Variants in DOCK9 observed in about 807,000 individuals in gnomAD.
The protein encoded by DOCK9 is dedicator of cytokinesis 9.
DOCK9 carries 89 observed loss-of-function variants against 263.3 expected under a neutral mutation model. The ratio of observed to expected loss-of-function variants is 0.34; its 90% CI spans 0.28 to 0.40. The LOEUF (loss-of-function observed/expected upper bound fraction) is 0.40. Among genes scored for constraint, DOCK9 ranks in the 10% least tolerant of loss-of-function variants. The pLI is 1.00. For missense variants in DOCK9, 2,140 were observed against 2,603.4 expected, an observed-to-expected ratio of 0.82 and a Z score of 3.87; for synonymous variants, 976 against 973.1, an observed-to-expected ratio of 1.00 and a Z score of -0.06.
chr13:99,008,214 A>C (rs9584975), intron 1 of DOCK9, among the ~76,000 whole-genome samples: 15,631 of 61,136 alleles, frequency 0.26, 1,062 homozygotes, highest in Non-Finnish European at 0.3. Flanking sequence ...CTCTCTCTCT[A>C]TATATATATA....
rs764574342 is a variant in DOCK9, at chr13:98,897,606, A to C, written c.1591T>G (p.Leu531Val). The C allele has an allele frequency of 9.3e-6, 15 of 1,612,638 alleles. No individual in the cohort carries two copies. The highest frequency in any genetic ancestry group is 1.3e-5 in the Non-Finnish European group (15 of 1,179,586). The part of the protein sequence containing the change: ...RMPFAWAART[L>V]FKDASGNLDK... The stretch of plus-strand genomic sequence containing the variant: ...AGATTTCCAGATGCATCCTTAAACA[A>C]TGTCCTGAAATGGCAAAGCAACATT... Residue 531 changes from leucine (L) to valine (V), a missense_variant, in exon 15 of 53, where the codon TTG (leucine) becomes GTG (valine). Leu to Val is a conservative substitution (Grantham distance 32). Coordinates refer to ENST00000682017, the MANE Select transcript of DOCK9 (RefSeq NM_001366683.2).
chr13:98,825,844 C>CG lies in DOCK9; in HGVS notation c.5023+985dup. 6.9e-7 allele frequency: 1 copy of CG among 1,454,616 alleles called. No homozygotes were observed. The highest frequency in any genetic ancestry group is 9.1e-7 in the Non-Finnish European group (1 of 1,096,290). 90.1% of individuals were successfully genotyped at this position (1,454,616 alleles called of 1,614,324 possible). A position where few individuals can be genotyped will look rare whatever the true frequency, so the allele number is the denominator to read the frequency against. The stretch of plus-strand genomic sequence containing the variant: ...GCACGTGACCAGGGCAGGGGGTCCC[C>CG]GGGGGCTGGGCTGATCCTCAGGCTC... On this transcript the variant is annotated intron_variant, in intron 44 of 52. Coordinates refer to ENST00000682017, the MANE Select transcript of DOCK9 (RefSeq NM_001366683.2). This position sits in a 1 kb window ranked among gnomAD's most constrained non-coding sequence, Gnocchi z 4.1.
chr13:99,065,167 G>A (rs2041361888), intron 1 of DOCK9, among the ~76,000 whole-genome samples: 1 of 152,124 alleles, frequency 6.6e-6, no homozygotes, highest in Admixed American at 6.5e-5. Context: ...GAGGAAGGAG[G>A]ATTATTAATC....
In DOCK9 at chr13:98,829,377, G is replaced by T; in HGVS notation, c.4895C>A (p.Thr1632Lys). Residue 1632 changes from threonine (T) to lysine (K), a missense_variant, in exon 43 of 53, where the codon ACG becomes AAG. Physicochemically the swap from Thr to Lys is moderately conservative, Grantham distance 78 (BLOSUM62 -1). Around this residue, in one of 2 missense-constraint regions of DOCK9, gnomAD observed 619 missense variants for 861.8 expected, o/e 0.72. Transcript: ENST00000682017. This position sits in a 1 kb window ranked among gnomAD's most constrained non-coding sequence, Gnocchi z 4.1. ...GAGCCACGTCTTCCTGAGCTCGGGC[G>T]TGCTGGCATAGGATTTGGCCAGGCT... ...QYSLAKSYAS[T>K]PELRKTWLDS... 1 of 1,613,704 alleles carries T rather than the reference G, an allele frequency of 6.2e-7. No homozygotes were observed. The highest frequency in any genetic ancestry group is 8.5e-7 in the Non-Finnish European group (1 of 1,179,816).
At chr13:98,967,702 C>A (rs575518713) in intron 1 of DOCK9, among the ~76,000 whole-genome samples, 1 of 152,170 alleles carries the variant, frequency 6.6e-6, no homozygotes. Context: ...TGAGATCTGC[C>A]AGGCACTGAA....
At chr13:98,847,688 G>A (rs142574525) in intron 37 of DOCK9, 1 of 152,212 alleles carries the variant, frequency 6.6e-6, no homozygotes, top group East Asian at 1.9e-4. Flanking sequence ...AGACAAAATT[G>A]TCGATATATA....
chr13:98,930,392 G>T, intron 2 of DOCK9, 135 bp from the exon 3 acceptor site: 7 of 712,434 alleles, frequency 9.8e-6, no homozygotes, highest in Non-Finnish European at 1.7e-5. Flanking sequence ...CAGTGCAGCT[G>T]CCTCCTTCCG....
intron 1 of DOCK9, among the ~76,000 whole-genome samples, chr13:99,063,360 C>A (rs533168513): frequency 1.3e-5 from 2 of 152,362 alleles, no homozygotes; most frequent in South Asian, 4.1e-4. Flanking sequence ...CCTCACCGAG[C>A]AGAGAATACA....
intron 27 of DOCK9, among the ~76,000 whole-genome samples, chr13:98,878,037 G>A (rs986119350): frequency 6.6e-6 from 1 of 152,150 alleles, no homozygotes; most frequent in African/African-American, 2.4e-5. Flanking sequence ...TAAAAGAGCT[G>A]ATGAAGGTAA....
At chr13:98,888,082 A>T in intron 18 of DOCK9, 76 bp downstream of exon 18, 2 of 945,118 alleles carry the variant, frequency 2.1e-6, no homozygotes, top group Non-Finnish European at 3.2e-6. Context: ...TTGTAGTTGT[A>T]CGGTATCATG....
chr13:98,881,673 A>C, intron 24 of DOCK9, 46 bp from the exon 25 acceptor site: 1 of 1,543,566 alleles, frequency 6.5e-7, no homozygotes, highest in Non-Finnish European at 8.8e-7. Context: ...GTAAAAATGG[A>C]AACATTTCAT....
chr13:98,864,301 G>A (rs1420721963), intron 30 of DOCK9, among the ~76,000 whole-genome samples: 1 of 152,184 alleles, frequency 6.6e-6, no homozygotes, highest in East Asian at 1.9e-4. Flanking sequence ...ACAGATAGGA[G>A]CAAACATGAA....
intron 45 of DOCK9, among the ~76,000 whole-genome samples, chr13:98,813,231 C>T (rs1291355357): frequency 6.6e-6 from 1 of 152,202 alleles, no homozygotes; most frequent in Non-Finnish European, 1.5e-5. Flanking sequence ...CCTTACTACA[C>T]TGGCTAGAAC....
chr13:98,823,368 C>A (rs1410314168), intron 45 of DOCK9, among the ~76,000 whole-genome samples: 1 of 152,164 alleles, frequency 6.6e-6, no homozygotes, highest in Non-Finnish European at 1.5e-5. Flanking sequence ...GACTTATGGC[C>A]TAGCTCATGT....
upstream of DOCK9, chr13:98,978,133 G>C: frequency 7.3e-7 from 1 of 1,364,670 alleles, no homozygotes; most frequent in East Asian, 2.6e-5. Context: ...AAAAGGGGAG[G>C]CTCCTACTTG....
At chr13:98,943,150 C>G (rs1424811508) in intron 2 of DOCK9, among the ~76,000 whole-genome samples, 1 of 152,234 alleles carries the variant, frequency 6.6e-6, no homozygotes, top group Non-Finnish European at 1.5e-5. Flanking sequence ...AGCATTTCAG[C>G]TCCTGGGCTG....
At chr13:99,027,226 G>GT (rs1566321195) in intron 1 of DOCK9, among the ~76,000 whole-genome samples, 3 of 151,964 alleles carry the variant, frequency 2.0e-5, no homozygotes, top group African/African-American at 7.3e-5. Flanking sequence ...CACCATATTG[G>GT]CCAGGCTGGT....
intron 39 of DOCK9, among the ~76,000 whole-genome samples, chr13:98,833,684 T>C (rs956251973): frequency 6.6e-6 from 1 of 152,222 alleles, no homozygotes; most frequent in African/African-American, 2.4e-5. Flanking sequence ...TAAAATTTAT[T>C]TTTAAAAAGA....
chr13:98,959,733 G>A (rs1567098475), intron 1 of DOCK9, among the ~76,000 whole-genome samples: 3 of 152,218 alleles, frequency 2.0e-5, no homozygotes, highest in African/African-American at 4.8e-5. Flanking sequence ...GAGAGGCAGG[G>A]ATGGAGCCAC....
Sources: gnomAD v4.1 joint callset for allele counts (sites outside exome capture counted in the v4.1 genomes callset) on GRCh38, gnomAD v4.1.1 for gene constraint, gnomAD v4.1.1 regional missense constraint, Gnocchi (gnomAD v3.1) non-coding constraint, MANE v1.5 for transcripts, NCBI Gene and HGNC (gene_info 2026-07-23, HGNC 2026-07-21) for gene names.